FAF2: variants seen among roughly 807,000 people sequenced by gnomAD.
The protein encoded by FAF2 is FAS-associated factor 2.
A neutral mutation model predicts 62.3 loss-of-function variants in FAF2; 9 were observed. That is an observed-to-expected ratio of 0.14 (90% CI 0.09 to 0.25). FAF2 has a LOEUF of 0.25. Among genes scored for constraint, FAF2 ranks in the 10% least tolerant of loss-of-function variants. The pLI is 1.00. For missense variants in FAF2, 368 were observed against 556.2 expected (o/e 0.66, Z 3.40); for synonymous variants, 202 against 198.0 (o/e 1.02, Z -0.17).
In FAF2 at chr5:176,483,755, A is replaced by G. The variant is rs1357698657; in HGVS notation, c.133-2600A>G. Among the ~76,000 whole-genome samples the G allele has an allele frequency of 2.6e-5, 4 of 152,190 alleles. 1 individual carries two copies. The highest frequency in any genetic ancestry group is 2.6e-4 in the Admixed American group (4 of 15,266). ...ATAGTTTATTATAGGGAACATATAG[A>G]TTAAAAGCAGCTAAAGGAAGAGACA... On this transcript the variant is annotated intron_variant, in intron 2 of 10. Transcript: ENST00000261942.
intron 1 of FAF2, among the ~76,000 whole-genome samples, chr5:176,474,459 C>T (rs968705315): frequency 3.3e-5 from 5 of 152,166 alleles, no homozygotes; most frequent in Non-Finnish European, 7.3e-5. Context: ...CCCCTTCCCC[C>T]TTTGGTGAGG....
At chr5:176,501,716 T>C (rs1755593493) in intron 10 of FAF2, among the ~76,000 whole-genome samples, 1 of 152,190 alleles carries the variant, frequency 6.6e-6, no homozygotes, top group African/African-American at 2.4e-5. Flanking sequence ...TTCTCTCTCA[T>C]TTATGCATTT....
At chr5:176,451,801 T>A (rs1425293729) in intron 1 of FAF2, among the ~76,000 whole-genome samples, 1 of 25,872 alleles carries the variant, frequency 3.9e-5, no homozygotes, top group Non-Finnish European at 7.0e-5. Flanking sequence ...TATATATACA[T>A]ATATATATAC....
chr5:176,505,034 A>C (rs1755652942), intron 10 of FAF2, among the ~76,000 whole-genome samples: 2 of 152,126 alleles, frequency 1.3e-5, no homozygotes, highest in South Asian at 4.1e-4. Context: ...AAAAAAAAAA[A>C]AAAAAAAGTT....
rs1755718850 is a variant in FAF2, at chr5:176,508,267, A to G, written c.*1317A>G. 6.6e-6 allele frequency: 1 copy of G among 152,118 alleles called. No homozygotes were observed. The highest frequency in any genetic ancestry group is 1.5e-5 in the Non-Finnish European group (1 of 68,034). 9.4% of individuals were successfully genotyped at this position (152,118 alleles called of 1,614,324 possible). A position where few individuals can be genotyped will look rare whatever the true frequency, so the allele number is the denominator to read the frequency against. Reference sequence around the variant, plus strand: ...TGGTAATGGGTACATGGGTCAGGCCATGTATTAACAGATGCCAGTGCGCTC... The same window carrying G: ...TGGTAATGGGTACATGGGTCAGGCCGTGTATTAACAGATGCCAGTGCGCTC... On this transcript the variant is annotated 3_prime_UTR_variant, in exon 11 of 11. Coordinates refer to ENST00000261942, the MANE Select transcript of FAF2 (RefSeq NM_014613.3).
intron 3 of FAF2, among the ~76,000 whole-genome samples, chr5:176,487,306 C>G (rs1183467891): frequency 6.6e-6 from 1 of 152,008 alleles, no homozygotes; most frequent in African/African-American, 2.4e-5. Flanking sequence ...ACCTCAGCCT[C>G]CTAAGTAGCT....
intron 1 of FAF2, among the ~76,000 whole-genome samples, chr5:176,451,775 CGT>C (rs199639593): frequency 0.1 from 9,022 of 88,048 alleles, 922 homozygotes; most frequent in Middle Eastern, 0.13. Flanking sequence ...CATATATATA[CGT>C]GTGTGTGTGT....
At chr5:176,449,504 G>T (rs1758128123) in intron 1 of FAF2, among the ~76,000 whole-genome samples, 1 of 152,132 alleles carries the variant, frequency 6.6e-6, no homozygotes, top group Non-Finnish European at 1.5e-5. Flanking sequence ...GAACCCGGGA[G>T]GCGGAGGTTG....
At chr5:176,486,637 C>G in intron 3 of FAF2, 148 bp downstream of exon 3, 2 of 710,046 alleles carry the variant, frequency 2.8e-6, no homozygotes, top group East Asian at 3.0e-5. Context: ...TATTATTTTG[C>G]CTTGATTCCT....
chr5:176,461,137 C>G (rs1041890688), intron 1 of FAF2, among the ~76,000 whole-genome samples: 3 of 151,692 alleles, frequency 2.0e-5, no homozygotes, highest in Non-Finnish European at 4.4e-5. Context: ...CCTCAGCTTC[C>G]TGAGTAGCTG....
At chr5:176,461,729 G>C (rs994723031) in intron 1 of FAF2, among the ~76,000 whole-genome samples, 1 of 151,776 alleles carries the variant, frequency 6.6e-6, no homozygotes, top group Non-Finnish European at 1.5e-5. Flanking sequence ...TTCATAGTTT[G>C]CGAAGATTTT....
In FAF2 at chr5:176,494,658, G is replaced by T. The variant is rs555947188; in HGVS notation, c.661+383G>T. ...CAACCTCCACCTCCTGGGTTCAAGC[G>T]ATTGTCCTGCCTCAGCCTCCTGAGT... is the stretch of plus-strand genomic sequence containing the variant. On this transcript the variant is annotated intron_variant, in intron 7 of 10. Coordinates refer to ENST00000261942, the MANE Select transcript of FAF2 (RefSeq NM_014613.3). This position sits in a 1 kb window ranked among gnomAD's most constrained non-coding sequence, Gnocchi z 4.0. 2.0e-5 allele frequency among the ~76,000 whole-genome samples: 3 copies of T among 152,218 alleles called. No individual in the cohort carries two copies. In the East Asian group the frequency reaches 5.8e-4, roughly 29 times the overall value.
At chr5:176,464,900 T>G (rs546534163) in intron 1 of FAF2, among the ~76,000 whole-genome samples, 1 of 152,304 alleles carries the variant, frequency 6.6e-6, no homozygotes, top group African/African-American at 2.4e-5. Flanking sequence ...CACTTTCTTT[T>G]TTTTTGAGAC....
intron 10 of FAF2, 115 bp downstream of exon 10, chr5:176,500,261 C>CAGAG (rs112320561): frequency 7.5e-5 from 67 of 896,504 alleles, no homozygotes; most frequent in Admixed American, 2.1e-4. Flanking sequence ...GAACAGGGAA[C>CAGAG]AGAGAGAGAG....
intron 3 of FAF2, 42 bp downstream of exon 3, chr5:176,486,531 T>G (rs776835599): frequency 5.0e-6 from 8 of 1,605,024 alleles, no homozygotes. Flanking sequence ...TTTTTATTTA[T>G]AAGTATATCC....
chr5:176,478,396 T>C (rs1269411222), intron 1 of FAF2, among the ~76,000 whole-genome samples: 2 of 152,142 alleles, frequency 1.3e-5, no homozygotes. Context: ...GGAGGATCGC[T>C]TCAGTCTGGG....
intron 1 of FAF2, among the ~76,000 whole-genome samples, chr5:176,473,287 A>G (rs1454036951): frequency 6.6e-6 from 1 of 152,174 alleles, no homozygotes; most frequent in Non-Finnish European, 1.5e-5. Context: ...AGTACCAGTC[A>G]GGTATTTTGT....
chr5:176,467,991 C>G (rs906450466), intron 1 of FAF2, among the ~76,000 whole-genome samples: 2 of 151,996 alleles, frequency 1.3e-5, no homozygotes, highest in Non-Finnish European at 2.9e-5. Flanking sequence ...ATGGTGAAAC[C>G]CTGTCTCTAT....
At chr5:176,497,509 C>T (rs528104701) in intron 8 of FAF2, among the ~76,000 whole-genome samples, 3 of 152,284 alleles carry the variant, frequency 2.0e-5, no homozygotes, top group East Asian at 3.9e-4. Flanking sequence ...ACGGCCTTTT[C>T]CCTCATCATT....
Sources: gnomAD v4.1 joint callset for allele counts (sites outside exome capture counted in the v4.1 genomes callset) on GRCh38, gnomAD v4.1.1 for gene constraint, Gnocchi (gnomAD v3.1) non-coding constraint, MANE v1.5 for transcripts, NCBI Gene and HGNC (gene_info 2026-07-23, HGNC 2026-07-21) for gene names.